The following LRP5 variants were observed in gnomAD, a reference collection of about 807,000 sequenced individuals.
LRP5 encodes low-density lipoprotein receptor-related protein 5.
In LRP5, 62 loss-of-function variants were observed where a neutral mutation model predicts 154.1. The observed-to-expected ratio is 0.40, with a 90% CI of 0.33 to 0.50. The LOEUF is 0.50. Ranked by LOEUF, LRP5 falls within the 20% of genes least tolerant of loss-of-function variation. LRP5 has a pLI of 0.55. For missense variants in LRP5, 1,915 were observed against 2,336.7 expected (o/e 0.82, Z 3.72); for synonymous variants, 966 against 1,011.5 (o/e 0.96, Z 0.85).
intron 1 of LRP5, among the ~76,000 whole-genome samples, chr11:68,322,540 C>T (rs1304868718): frequency 6.6e-6 from 1 of 152,248 alleles, no homozygotes; most frequent in Non-Finnish European, 1.5e-5. Flanking sequence ...ATCTTCTGCC[C>T]CTGGTGTGGG....
At chr11:68,378,128 C>T (rs1386985538) in intron 5 of LRP5, among the ~76,000 whole-genome samples, 1 of 151,634 alleles carries the variant, frequency 6.6e-6, no homozygotes, top group Non-Finnish European at 1.5e-5. Context: ...TCCGGGGCTG[C>T]CCTGCCTCCT....
intron 1 of LRP5, among the ~76,000 whole-genome samples, chr11:68,314,649 G>A (rs1307480349): frequency 6.6e-6 from 1 of 152,238 alleles, no homozygotes; most frequent in Non-Finnish European, 1.5e-5. Flanking sequence ...CAGCTCCCAA[G>A]CCCTAGTCCT....
At chr11:68,406,330 G>A (rs1261187554) in intron 8 of LRP5, among the ~76,000 whole-genome samples, 194 bp from the exon 9 acceptor site, 4 of 152,198 alleles carry the variant, frequency 2.6e-5, no homozygotes, top group African/African-American at 4.8e-5. Flanking sequence ...GCTTTCAGGT[G>A]AAAGGTGCGT....
At chr11:68,301,106 A>G in the LRP5 span, among the ~76,000 whole-genome samples, 1 of 146,794 alleles carries the variant, frequency 6.8e-6, no homozygotes, top group South Asian at 2.1e-4. Flanking sequence ...ATTTTTTTGT[A>G]TTTTTGTTAG....
At chr11:68,411,404 C>A in intron 10 of LRP5, 32 bp from the exon 11 acceptor site, 3 of 1,604,082 alleles carry the variant, frequency 1.9e-6, no homozygotes, top group Non-Finnish European at 2.5e-6. Context: ...AGCAGACTCA[C>A]TGAGCCTGCC....
intron 5 of LRP5, among the ~76,000 whole-genome samples, chr11:68,378,641 T>A (rs955500243): frequency 2.0e-5 from 3 of 152,202 alleles, no homozygotes; most frequent in Non-Finnish European, 4.4e-5. Flanking sequence ...AAGGAAAACA[T>A]TATAAAAAAT....
Position 68,426,290 on chromosome 11 carries a change from G to A in LRP5, c.3637+103G>A, listed in dbSNP as rs2098668736. 4 of 999,832 alleles carry A rather than the reference G, an allele frequency of 4.0e-6. No individual in the cohort carries two copies. The South Asian group carries it at 4.7e-5, about 12-fold the overall frequency. 61.9% of individuals were successfully genotyped at this position (999,832 alleles called of 1,614,324 possible). On this transcript the variant is annotated intron_variant, in intron 16 of 22. Transcript: ENST00000294304. ...GATCCTGTGTGGCCTCAGCCAGGCG[G>A]TGGTCTCTGCCAGATGCCAACTGTT...
intron 1 of LRP5, among the ~76,000 whole-genome samples, chr11:68,337,243 G>A (rs2098606221): frequency 6.6e-6 from 1 of 152,288 alleles, no homozygotes; most frequent in Admixed American, 6.5e-5. Context: ...AGACCAAGAG[G>A]AGCCCGGAAG....
chr11:68,448,835 C>T lies in LRP5; in HGVS notation c.4613C>T (p.Pro1538Leu). ...CCCTACATCATTCGAGGAATGGCGC[C>T]CCCGACGACGCCCTGCAGCACCGAC... ...YRPYIIRGMA[P>L]PTTPCSTDVC... is the part of the protein sequence containing the mutation. Residue 1538 changes from proline to leucine, a missense_variant, in exon 23 of 23, where the codon CCC becomes CTC. Transcript: ENST00000294304. 3.7e-6 allele frequency: 6 copies of T among 1,609,172 alleles called. No homozygotes were observed. The highest frequency in any genetic ancestry group is 5.1e-6 in the Non-Finnish European group (6 of 1,179,996).
At chr11:68,427,679 CAA>C (rs770310013) in intron 16 of LRP5, among the ~76,000 whole-genome samples, 6 of 129,342 alleles carry the variant, frequency 4.6e-5, no homozygotes, top group Non-Finnish European at 1.7e-5. Flanking sequence ...GACTCCGTCT[CAA>C]AAAAAAAAAA....
chr11:68,445,569 G>T (rs528295211), intron 21 of LRP5: 1 of 1,310,340 alleles, frequency 7.6e-7, no homozygotes, highest in South Asian at 1.2e-5. Context: ...CCATTATTCC[G>T]CAGGGGCTCG....
chr11:68,411,942 G>C (rs1305266504), intron 11 of LRP5, among the ~76,000 whole-genome samples: 3 of 152,148 alleles, frequency 2.0e-5, no homozygotes, highest in African/African-American at 7.2e-5. Context: ...TTTCATTGCT[G>C]GGGAAGCTGA....
intron 7 of LRP5, among the ~76,000 whole-genome samples, chr11:68,402,513 T>G (rs1042787591): frequency 2.6e-5 from 4 of 151,970 alleles, no homozygotes; most frequent in Non-Finnish European, 5.9e-5. Flanking sequence ...CAGCGGGAAA[T>G]GAGTTCACAG....
chr11:68,406,898 T>G (rs937587266), intron 9 of LRP5, 85 bp downstream of exon 9: 4 of 1,353,394 alleles, frequency 3.0e-6, no homozygotes, highest in Middle Eastern at 2.3e-4. Context: ...CAGACACTTT[T>G]CTTAAAGCAC....
At chr11:68,369,627 G>A (rs1430202723) in intron 5 of LRP5, among the ~76,000 whole-genome samples, 1 of 152,098 alleles carries the variant, frequency 6.6e-6, no homozygotes, top group Non-Finnish European at 1.5e-5. Flanking sequence ...ACAAAAATTA[G>A]CCGGGCGGTA....
the LRP5 span, among the ~76,000 whole-genome samples, chr11:68,299,965 T>C: frequency 6.7e-6 from 1 of 148,878 alleles, no homozygotes; most frequent in South Asian, 2.1e-4. Flanking sequence ...TGGCGCGATC[T>C]TGGCTCACTG....
intron 7 of LRP5, among the ~76,000 whole-genome samples, chr11:68,394,529 G>T (rs929118983): frequency 6.6e-6 from 1 of 151,364 alleles, no homozygotes; most frequent in Non-Finnish European, 1.5e-5. Flanking sequence ...GCAGTGGCAC[G>T]ATCTCGGCTC....
At chr11:68,316,194 G>T (rs1316037292) in intron 1 of LRP5, among the ~76,000 whole-genome samples, 6 of 152,088 alleles carry the variant, frequency 3.9e-5, no homozygotes, top group African/African-American at 1.5e-4. Context: ...ATCTTACAAT[G>T]CGTCTTCGTG....
At chr11:68,391,310 TGTTAC>T (rs1412110870) in intron 7 of LRP5, among the ~76,000 whole-genome samples, 6 of 93,448 alleles carry the variant, frequency 6.4e-5, no homozygotes, top group Admixed American at 3.8e-4. Context: ...GCCAGTGATA[TGTTAC>T]ATGTGTCCCC....
Sources: gnomAD v4.1 joint callset for allele counts (sites outside exome capture counted in the v4.1 genomes callset) on GRCh38, gnomAD v4.1.1 for gene constraint, MANE v1.5 for transcripts, NCBI Gene and HGNC (gene_info 2026-07-23, HGNC 2026-07-21) for gene names.